HLCS: variants seen among roughly 807,000 people sequenced by gnomAD.
HLCS encodes the protein biotin--protein ligase.
Under a neutral mutation model 75.0 loss-of-function variants are expected in HLCS, and 53 were observed. That is an observed-to-expected ratio of 0.71 (90% confidence interval 0.57 to 0.89). The LOEUF (loss-of-function observed/expected upper bound fraction) is 0.89, where lower values mean the gene tolerates loss of function less well. Among genes scored for constraint, HLCS ranks in the 40% least tolerant of loss-of-function variants. The pLI is 0.00. For synonymous variants in HLCS, 431 were observed against 428.6 expected (o/e 1.01, Z -0.07); for missense variants, 966 against 1,074.0 (o/e 0.90, Z 1.41).
intron 2 of HLCS, chr21:36,947,602 C>G (rs2067466385): frequency 1.0e-6 from 1 of 985,442 alleles, no homozygotes; most frequent in Non-Finnish European, 1.2e-6. Context: ...TGTCCCTAAA[C>G]AAAGGAGTTT....
At position 36,921,830 on chromosome 21, in the gene HLCS, T is replaced by C. The variant is rs1357780762; in HGVS notation, c.1620+8421A>G. 3.9e-5 allele frequency among the ~76,000 whole-genome samples: 6 copies of C among 152,260 alleles called. No homozygotes were observed. The East Asian group carries it at 1.2e-3, about 29-fold the overall frequency. ...ACAAAATTGTGCTGTGAACCTCGTG[T>C]CAAGGGAAAGTGCATTTCCCTTTTA... On this transcript the variant is annotated intron_variant, in intron 5 of 10. Transcript: ENST00000674895.
chr21:36,787,814 C>T lies in HLCS; in HGVS notation c.1893-20529G>A, dbSNP rs147824838. On this transcript the variant is annotated intron_variant, in intron 6 of 10. Transcript: ENST00000674895. Reference sequence around the variant, plus strand: ...GAAAAGACCTGTGAAGATGCCTGATCAGCTGTCAGGGTTACGTAGACACTG... The same window carrying T: ...GAAAAGACCTGTGAAGATGCCTGATTAGCTGTCAGGGTTACGTAGACACTG... Among the ~76,000 whole-genome samples the T allele has an allele frequency of 5.2e-3, 796 of 152,266 alleles. 6 individuals are homozygous for T. Among genetic ancestry groups the T allele is most frequent in the African/African-American group, 0.018 (742 of 41,572 alleles).
chr21:36,890,176 C>T (rs992414649), intron 6 of HLCS, among the ~76,000 whole-genome samples: 1 of 152,210 alleles, frequency 6.6e-6, no homozygotes, highest in Non-Finnish European at 1.5e-5. Context: ...CCGTGCTGAA[C>T]TGTGAGTCAG....
intron 6 of HLCS, among the ~76,000 whole-genome samples, chr21:36,797,328 C>T (rs1209536433): frequency 6.6e-6 from 1 of 151,954 alleles, no homozygotes; most frequent in Non-Finnish European, 1.5e-5. Flanking sequence ...GCTCCCATAT[C>T]CACAGTTGTT....
At chr21:36,866,239 C>T (rs2146209045) in intron 6 of HLCS, among the ~76,000 whole-genome samples, 1 of 152,038 alleles carries the variant, frequency 6.6e-6, no homozygotes, top group East Asian at 1.9e-4. Flanking sequence ...GGCAGAAATG[C>T]TGGAAATTAA....
intron 2 of HLCS, among the ~76,000 whole-genome samples, chr21:36,953,673 G>A (rs1320714168): frequency 1.3e-5 from 2 of 152,078 alleles, no homozygotes; most frequent in Non-Finnish European, 2.9e-5. Flanking sequence ...ATTATTTTAT[G>A]CTAAAAAGGA....
chr21:36,787,071 C>T (rs1444436980), intron 6 of HLCS, among the ~76,000 whole-genome samples: 1 of 152,210 alleles, frequency 6.6e-6, no homozygotes. Flanking sequence ...TGAGTGCAGC[C>T]ACATTTCAAC....
chr21:36,814,033 G>A (rs971070145), intron 6 of HLCS, among the ~76,000 whole-genome samples: 7 of 152,156 alleles, frequency 4.6e-5, no homozygotes, highest in Non-Finnish European at 8.8e-5. Flanking sequence ...TGCTAGGTCA[G>A]TGTGGGTTTC....
At chr21:36,893,920 T>C (rs1306427458) in intron 6 of HLCS, among the ~76,000 whole-genome samples, 1 of 152,244 alleles carries the variant, frequency 6.6e-6, no homozygotes, top group African/African-American at 2.4e-5. Flanking sequence ...AACCTATTAT[T>C]ACTATCACAA....
chr21:36,976,338 C>T (rs1381583956), intron 1 of HLCS, among the ~76,000 whole-genome samples: 1 of 152,140 alleles, frequency 6.6e-6, no homozygotes, highest in African/African-American at 2.4e-5. Flanking sequence ...TTGTGATACC[C>T]TTTCTGTACA....
chr21:36,859,016 AGTTTTTT>A (rs968967894), intron 6 of HLCS, among the ~76,000 whole-genome samples: 2 of 151,792 alleles, frequency 1.3e-5, no homozygotes, highest in Non-Finnish European at 2.9e-5. Flanking sequence ...TTTGGCTTGG[AGTTTTTT>A]GTTTTTTGTT....
intron 6 of HLCS, among the ~76,000 whole-genome samples, chr21:36,845,387 G>A (rs905991067): frequency 5.9e-5 from 9 of 152,130 alleles, no homozygotes; most frequent in African/African-American, 1.2e-4. Flanking sequence ...CCAGCTGTAC[G>A]GATGGGACTG....
Position 36,868,763 on chromosome 21 carries a change from G to A in HLCS, c.1892+28097C>T, listed in dbSNP as rs544378431. 4.1e-4 allele frequency among the ~76,000 whole-genome samples: 62 copies of A among 152,300 alleles called. No individual in the cohort carries two copies. The East Asian group carries it at 4.4e-3, about 11-fold the overall frequency. The stretch of plus-strand genomic sequence containing the variant: ...CTTTGTCCCCACGGAGCGTTGTACC[G>A]TACAAGCATTCTTCCACCAGGCTAC... On this transcript the variant is annotated intron_variant, in intron 6 of 10. Transcript: ENST00000674895.
At chr21:36,921,222 G>A (rs931867855) in intron 5 of HLCS, among the ~76,000 whole-genome samples, 14 of 152,096 alleles carry the variant, frequency 9.2e-5, no homozygotes, top group African/African-American at 2.7e-4. Context: ...CGAGGCAGGC[G>A]GATCACAAGG....
chr21:36,831,586 G>A (rs1372804731), intron 6 of HLCS, among the ~76,000 whole-genome samples: 3 of 152,156 alleles, frequency 2.0e-5, no homozygotes, highest in Non-Finnish European at 4.4e-5. Flanking sequence ...AGGAGGCTGA[G>A]GTAGGAGAAT....
chr21:36,764,953 GAATAAGC>G, intron 8 of HLCS, 52 bp downstream of exon 8: 1 of 1,562,090 alleles, frequency 6.4e-7, no homozygotes, highest in Non-Finnish European at 8.7e-7. Context: ...CTATAAACAA[GAATAAGC>G]CAGATTCTGC....
chr21:36,939,885 C>T (rs377699650), intron 2 of HLCS, among the ~76,000 whole-genome samples: 1 of 152,128 alleles, frequency 6.6e-6, no homozygotes, highest in Admixed American at 6.6e-5. Context: ...GAATACTCTA[C>T]TAAAAATACA....
At chr21:36,954,795 C>G (rs1046394823) in intron 2 of HLCS, among the ~76,000 whole-genome samples, 1 of 150,602 alleles carries the variant, frequency 6.6e-6, no homozygotes. Flanking sequence ...GGGTGTGGTG[C>G]CTCATGCCTG....
chr21:36,810,932 A>G (rs1394065942), intron 6 of HLCS, among the ~76,000 whole-genome samples: 4 of 152,222 alleles, frequency 2.6e-5, no homozygotes, highest in Admixed American at 2.0e-4. Flanking sequence ...TAATTTGAGC[A>G]AAGAGAATAA....
Sources: allele counts gnomAD v4.1 joint callset (sites outside exome capture counted in the v4.1 genomes callset), GRCh38; gene constraint gnomAD v4.1.1; transcripts MANE v1.5; gene names NCBI Gene and HGNC (gene_info 2026-07-23, HGNC 2026-07-21).